LRRC9: variants seen among roughly 807,000 people sequenced by gnomAD.
LRRC9 encodes leucine rich repeat containing 9.
Under a neutral mutation model 63.2 loss-of-function variants are expected in LRRC9, and 122 were observed. The ratio of observed to expected loss-of-function variants is 1.93; its 90% CI spans 1.67 to 2.24. The LOEUF is 2.24. LRRC9 is among the 30% of genes most tolerant of loss of function. The pLI, the probability that LRRC9 is intolerant of heterozygous loss-of-function variation, is 0.00. For missense variants in LRRC9, 1,071 were observed against 627.7 expected (o/e 1.71, Z -7.55); for synonymous variants, 366 against 213.1 (o/e 1.72, Z -6.25).
chr14:60,042,193 G>A lies in LRRC9; in HGVS notation c.3990+10130G>A, dbSNP rs1893009777. 6.6e-6 allele frequency among the ~76,000 whole-genome samples: 1 copy of A among 152,180 alleles called. No individual in the cohort carries two copies. Among genetic ancestry groups the A allele is most frequent in the Non-Finnish European group, 1.5e-5 (1 of 68,032 alleles). On this transcript the variant is annotated intron_variant, in intron 29 of 31. Transcript: ENST00000445360. This position sits in a 1 kb window ranked among gnomAD's most constrained non-coding sequence, Gnocchi z 4.2. ...GTGCCTCCCAGTTAGGCTACTTGGG[G>A]GTCAGGGACCCACTTGAGGAGGCAG...
intron 17 of LRRC9, among the ~76,000 whole-genome samples, chr14:59,989,865 G>T (rs2140140395): frequency 6.7e-6 from 1 of 150,020 alleles, no homozygotes; most frequent in Non-Finnish European, 1.5e-5. Context: ...TTTAAAATTT[G>T]TAATGCTTAC....
chr14:60,047,889 G>C (rs1007967318), intron 29 of LRRC9, among the ~76,000 whole-genome samples: 1 of 152,020 alleles, frequency 6.6e-6, no homozygotes, highest in Non-Finnish European at 1.5e-5. Context: ...TCACATAATC[G>C]GAAGTCAAAC....
At chr14:59,943,866 T>C (rs182305744) in intron 7 of LRRC9, among the ~76,000 whole-genome samples, 3 of 152,178 alleles carry the variant, frequency 2.0e-5, no homozygotes, top group Admixed American at 2.0e-4. Context: ...TTCCAACTTA[T>C]TCGCTTTCAT....
At chr14:59,968,346 G>T (rs2140008578) in intron 12 of LRRC9, among the ~76,000 whole-genome samples, 1 of 152,308 alleles carries the variant, frequency 6.6e-6, no homozygotes, top group Middle Eastern at 3.4e-3. Context: ...TTCTGGAAAT[G>T]GATGGTGGCG....
At chr14:59,953,554 G>A (rs910148223) in intron 8 of LRRC9, among the ~76,000 whole-genome samples, 2 of 151,974 alleles carry the variant, frequency 1.3e-5, no homozygotes, top group Admixed American at 6.6e-5. Flanking sequence ...AAGATTCTAG[G>A]TATTAGACCT....
At chr14:60,018,139 T>G (rs1417302746) in intron 24 of LRRC9, among the ~76,000 whole-genome samples, 1 of 150,576 alleles carries the variant, frequency 6.6e-6, no homozygotes, top group Non-Finnish European at 1.5e-5. Flanking sequence ...AATAGATGTG[T>G]TTTTTTTGAA....
At chr14:59,994,946 C>G (rs1035833169) in intron 17 of LRRC9, among the ~76,000 whole-genome samples, 1 of 151,426 alleles carries the variant, frequency 6.6e-6, no homozygotes, top group Non-Finnish European at 1.5e-5. Context: ...CAACATGGCA[C>G]ATGTATACAT....
chr14:59,929,805 T>G (rs1226513432), intron 3 of LRRC9, among the ~76,000 whole-genome samples: 1 of 152,106 alleles, frequency 6.6e-6, no homozygotes, highest in East Asian at 1.9e-4. Context: ...GCCATTGTCC[T>G]TAGCAAACTA....
downstream of LRRC9, among the ~76,000 whole-genome samples, chr14:60,065,739 G>A (rs1489003350): frequency 6.9e-6 from 1 of 143,924 alleles, no homozygotes; most frequent in African/African-American, 2.5e-5. Flanking sequence ...ATCCAGTAAA[G>A]TTATTATGTC....
At chr14:59,931,905 A>C in intron 5 of LRRC9, 64 bp from the exon 6 acceptor site, 1 of 684,854 alleles carries the variant, frequency 1.5e-6, no homozygotes, top group South Asian at 1.6e-5. Context: ...CATACAACTC[A>C]GAAGTATGAC....
intron 17 of LRRC9, among the ~76,000 whole-genome samples, chr14:59,994,776 C>T (rs972245281): frequency 1.3e-4 from 19 of 151,906 alleles, no homozygotes; most frequent in Non-Finnish European, 2.4e-4. Context: ...AAACCAAATA[C>T]CTCATGTCCT....
chr14:60,020,944 A>C (rs1395149498), intron 26 of LRRC9, among the ~76,000 whole-genome samples: 1 of 151,960 alleles, frequency 6.6e-6, no homozygotes. Context: ...CACTGCTTTA[A>C]ACATTTGTGT....
chr14:59,941,070 A>C (rs1881709202), intron 7 of LRRC9, among the ~76,000 whole-genome samples: 1 of 150,572 alleles, frequency 6.6e-6, no homozygotes, highest in Non-Finnish European at 1.5e-5. Flanking sequence ...AACAAGGACA[A>C]AAAAAAAACC....
At chr14:59,949,187 T>G (rs866560456) in intron 8 of LRRC9, among the ~76,000 whole-genome samples, 2 of 149,996 alleles carry the variant, frequency 1.3e-5, no homozygotes, top group Non-Finnish European at 3.0e-5. Context: ...CAATTTCAGC[T>G]CCTGTTATTG....
chr14:59,963,838 G>A (rs1884580500), intron 10 of LRRC9, among the ~76,000 whole-genome samples: 1 of 152,122 alleles, frequency 6.6e-6, no homozygotes, highest in African/African-American at 2.4e-5. Flanking sequence ...CAGTAAGCCT[G>A]TAAAAGTATT....
chr14:59,971,445 A>C (rs1885493725), intron 12 of LRRC9, among the ~76,000 whole-genome samples: 1 of 152,136 alleles, frequency 6.6e-6, no homozygotes, highest in African/African-American at 2.4e-5. Flanking sequence ...GTTGTAAAAT[A>C]GTTTTTTCTA....
At chr14:59,953,339 A>G (rs2139922840) in intron 8 of LRRC9, among the ~76,000 whole-genome samples, 1 of 152,262 alleles carries the variant, frequency 6.6e-6, no homozygotes, top group African/African-American at 2.4e-5. Context: ...TGACTTTTTA[A>G]TAATCACCAC....
chr14:60,004,477 C>T lies in LRRC9; in HGVS notation c.2842+679C>T, dbSNP rs141390586. Among the ~76,000 whole-genome samples the T allele has an allele frequency of 6.6e-6, 1 of 151,992 alleles. No individual in the cohort carries two copies. The highest frequency in any genetic ancestry group is 6.6e-5 in the Admixed American group (1 of 15,266). On this transcript the variant is annotated intron_variant, in intron 21 of 31. Coordinates refer to ENST00000445360, the Ensembl canonical transcript of LRRC9. The surrounding 1 kb of genome is among the most constrained non-coding windows in gnomAD (Gnocchi z 4.8). ...TAGTAATATCTTAATAATAATGATACCAATATAATATATTTTATTTGACTG... is the reference window on the plus strand; with the variant it reads ...TAGTAATATCTTAATAATAATGATATCAATATAATATATTTTATTTGACTG...
intron 17 of LRRC9, among the ~76,000 whole-genome samples, chr14:59,995,776 C>T (rs1407234434): frequency 6.6e-6 from 1 of 151,212 alleles, no homozygotes; most frequent in African/African-American, 2.4e-5. Flanking sequence ...CGGAATGTTG[C>T]TCTATAGCCA....
Sources: gnomAD v4.1 joint callset for allele counts (sites outside exome capture counted in the v4.1 genomes callset) on GRCh38, gnomAD v4.1.1 for gene constraint, Gnocchi (gnomAD v3.1) non-coding constraint, MANE v1.5 for transcripts, NCBI Gene and HGNC (gene_info 2026-07-23, HGNC 2026-07-21) for gene names.